CNKSR2: variants seen among roughly 807,000 people sequenced by gnomAD.
The protein encoded by CNKSR2 is connector enhancer of kinase suppressor of Ras 2.
In CNKSR2, 14 loss-of-function variants were observed where a neutral mutation model predicts 84.4. The observed-to-expected ratio is 0.17, with a 90% confidence interval of 0.11 to 0.26. The LOEUF is 0.26. Among genes scored for constraint, CNKSR2 ranks in the 10% least tolerant of loss-of-function variants. CNKSR2 has a pLI of 1.00. For missense variants in CNKSR2, 485 were observed against 771.2 expected (o/e 0.63, Z 4.40); for synonymous variants, 275 against 277.9 (o/e 0.99, Z 0.10).
At chrX:21,547,703 A>G (rs753558305) in intron 11 of CNKSR2, among the ~76,000 whole-genome samples, 7 of 112,215 alleles carry the variant, frequency 6.2e-5, no homozygotes, top group Non-Finnish European at 1.3e-4. Context: ...AGCAAATGCA[A>G]GAGAACAGAA....
intron 4 of CNKSR2, among the ~76,000 whole-genome samples, chrX:21,462,268 T>C (rs966201494): frequency 1.1e-4 from 12 of 112,100 alleles, no homozygotes; most frequent in African/African-American, 3.6e-4. Flanking sequence ...TATGTTAATT[T>C]CTAGATATTT....
chrX:21,393,077 A>G (rs2090073434), intron 1 of CNKSR2, among the ~76,000 whole-genome samples: 1 of 112,309 alleles, frequency 8.9e-6, no homozygotes, highest in East Asian at 2.8e-4. Flanking sequence ...AAAAAATTGA[A>G]ATGTTATAAT....
chrX:21,595,490 G>A, intron 17 of CNKSR2, 95 bp downstream of exon 17: 1 of 487,692 alleles, frequency 2.1e-6, no homozygotes, highest in African/African-American at 2.4e-5. Context: ...GAAGTTTCTA[G>A]GTCAATCAGT....
chrX:21,459,549 A>G (rs748074567), intron 4 of CNKSR2, among the ~76,000 whole-genome samples: 2 of 110,266 alleles, frequency 1.8e-5, no homozygotes, highest in South Asian at 7.9e-4. Context: ...TAGATCTTCC[A>G]TCTCCTAATA....
At chrX:21,601,253 G>T (rs765158349) in intron 17 of CNKSR2, 29 bp from the exon 18 acceptor site, 69 of 923,201 alleles carry the variant, frequency 7.5e-5, no homozygotes, top group Non-Finnish European at 1.0e-4. Context: ...AGGTTACAAT[G>T]TTATTGATTT....
intron 13 of CNKSR2, among the ~76,000 whole-genome samples, chrX:21,579,032 C>G (rs1012525045): frequency 3.1e-4 from 35 of 111,868 alleles, no homozygotes; most frequent in Non-Finnish European, 4.1e-4. Flanking sequence ...CCGATTGGAG[C>G]TGAAGGAGTT....
At chrX:21,594,612 G>A (rs1269895248) in intron 15 of CNKSR2, 1 of 118,585 alleles carries the variant, frequency 8.4e-6, no homozygotes, top group African/African-American at 3.2e-5. Context: ...AGAAAATTGT[G>A]AATTACAAAA....
At chrX:21,609,935 A>G (rs1423879000) in intron 20 of CNKSR2, among the ~76,000 whole-genome samples, 4 of 111,502 alleles carry the variant, frequency 3.6e-5, no homozygotes, top group African/African-American at 6.5e-5. Context: ...TCTCACTTGC[A>G]TGCACCATCT....
intron 5 of CNKSR2, among the ~76,000 whole-genome samples, chrX:21,490,209 A>G (rs2091427572): frequency 9.0e-6 from 1 of 111,711 alleles, no homozygotes; most frequent in Non-Finnish European, 1.9e-5. Flanking sequence ...AAATAATAGA[A>G]ACAGTATAAC....
intron 20 of CNKSR2, among the ~76,000 whole-genome samples, chrX:21,623,130 C>A (rs758861419): frequency 9.0e-6 from 1 of 111,248 alleles, no homozygotes; most frequent in African/African-American, 3.3e-5. Context: ...CAAGTCCTAA[C>A]CCTGATCAGC....
At chrX:21,466,768 A>G (rs1428618148) in intron 4 of CNKSR2, among the ~76,000 whole-genome samples, 1 of 111,096 alleles carries the variant, frequency 9.0e-6, no homozygotes, top group African/African-American at 3.3e-5. Flanking sequence ...TATTTTTAGT[A>G]GAGACGGGGT....
At position 21,609,034 on chromosome X, in the gene CNKSR2, A is replaced by G. The variant is rs752570758; in HGVS notation, c.2146-37A>G. The G allele has an allele frequency of 3.4e-6, 4 of 1,164,982 alleles. No homozygotes were observed. The East Asian group carries it at 9.0e-5, about 26-fold the overall frequency. On this transcript the variant is annotated intron_variant, in intron 19 of 21. Transcript: ENST00000379510. Reference sequence around the variant, plus strand: ...TTCCTTGGAATGGAAGTGGTCTGTTATTTTGGCACAGACTAATCAGGGGCT... The same window carrying G: ...TTCCTTGGAATGGAAGTGGTCTGTTGTTTTGGCACAGACTAATCAGGGGCT...
intron 8 of CNKSR2, among the ~76,000 whole-genome samples, chrX:21,509,212 C>A (rs1371367650): frequency 8.9e-6 from 1 of 111,851 alleles, no homozygotes; most frequent in East Asian, 2.8e-4. Context: ...TCAACATGGT[C>A]TAAGTTTTAC....
intron 11 of CNKSR2, among the ~76,000 whole-genome samples, chrX:21,550,087 A>C (rs2092071266): frequency 8.9e-6 from 1 of 112,285 alleles, no homozygotes; most frequent in Non-Finnish European, 1.9e-5. Context: ...ATTGAACTAA[A>C]GAGCTTCTGA....
At chrX:21,560,933 G>T (rs1400861203) in intron 11 of CNKSR2, among the ~76,000 whole-genome samples, 1 of 110,951 alleles carries the variant, frequency 9.0e-6, no homozygotes, top group African/African-American at 3.3e-5. Flanking sequence ...ACATGAAAGA[G>T]AATCTAACCA....
intron 8 of CNKSR2, among the ~76,000 whole-genome samples, chrX:21,509,210 G>C (rs1442634129): frequency 8.9e-6 from 1 of 111,854 alleles, no homozygotes; most frequent in Non-Finnish European, 1.9e-5. Flanking sequence ...GCTCAACATG[G>C]TCTAAGTTTT....
chrX:21,441,258 G>A (rs780905633), intron 4 of CNKSR2: 1 of 111,358 alleles, frequency 9.0e-6, no homozygotes, highest in Non-Finnish European at 1.9e-5. Flanking sequence ...ATTAGTGCTT[G>A]TAAATTATCT....
rs182434126 is a variant in CNKSR2, at chrX:21,521,543, T to A, written c.957+4912T>A. Among the ~76,000 whole-genome samples the A allele has an allele frequency of 5.7e-4, 63 of 110,918 alleles. 1 individual carries two copies. The highest frequency in any genetic ancestry group is 1.9e-3 in the African/African-American group (59 of 30,781). ...GTAATTTGAGAAAATGGAAGTCCAG[T>A]TTTAATGTTGCAGTTTAATTATGCC... On this transcript the variant is annotated intron_variant, in intron 9 of 21. Coordinates refer to ENST00000379510, the MANE Select transcript of CNKSR2 (RefSeq NM_014927.5).
At chrX:21,444,177 C>T (rs2090821511) in intron 4 of CNKSR2, among the ~76,000 whole-genome samples, 1 of 111,261 alleles carries the variant, frequency 9.0e-6, no homozygotes, top group South Asian at 3.7e-4. Flanking sequence ...TTTGTAAATA[C>T]TGTTTAGAAA....
Sources: allele counts gnomAD v4.1 joint callset (sites outside exome capture counted in the v4.1 genomes callset), GRCh38; gene constraint gnomAD v4.1.1; transcripts MANE v1.5; gene names NCBI Gene and HGNC (gene_info 2026-07-23, HGNC 2026-07-21).